PREX2: variants seen among roughly 807,000 people sequenced by gnomAD.
PREX2 encodes phosphatidylinositol 3,4,5-trisphosphate-dependent Rac exchanger 2 protein.
In PREX2, 107 loss-of-function variants were observed where a neutral mutation model predicts 203.2. The ratio of observed to expected loss-of-function variants is 0.53; its 90% CI spans 0.45 to 0.62. PREX2 has a LOEUF of 0.62. PREX2 is among the 20% of genes least tolerant of loss of function. The pLI, the probability that PREX2 is intolerant of heterozygous loss-of-function variation, is 0.00. For missense variants in PREX2, 1,777 were observed against 1,955.9 expected (o/e 0.91, Z 1.72); for synonymous variants, 672 against 663.6 (o/e 1.01, Z -0.19).
rs35054542 is a variant in PREX2 at position 68,045,226 on chromosome 8, G to GA, written c.943+646dup. On this transcript the variant is annotated intron_variant, in intron 8 of 39. Transcript: ENST00000288368. ...TTAAAATAAATTGCACTTTCTATTT[G>GA]AAAAAAAAAAGTTGTCTCTAAAATA... 1.6e-3 allele frequency among the ~76,000 whole-genome samples: 235 copies of GA among 147,028 alleles called. 1 individual carries two copies. Among genetic ancestry groups the GA allele is most frequent in the African/African-American group, 4.8e-3 (193 of 40,396 alleles).
chr8:68,187,836 A>G (rs1812220771), intron 35 of PREX2, among the ~76,000 whole-genome samples: 1 of 152,198 alleles, frequency 6.6e-6, no homozygotes, highest in Non-Finnish European at 1.5e-5. Flanking sequence ...AAGAATGGAG[A>G]TGAAATGCAA....
At chr8:68,022,320 G>C (rs554734700) in intron 4 of PREX2, among the ~76,000 whole-genome samples, 180 bp downstream of exon 4, 4 of 152,166 alleles carry the variant, frequency 2.6e-5, no homozygotes, top group Non-Finnish European at 1.5e-5. Context: ...CTTGTGTTTG[G>C]GGAAGTACTG....
At chr8:68,055,717 A>T in intron 9 of PREX2, 113 bp from the exon 10 acceptor site, 1 of 991,286 alleles carries the variant, frequency 1.0e-6, no homozygotes, top group Non-Finnish European at 1.5e-6. Flanking sequence ...ATCTGTATCC[A>T]CAACCCCCAG....
At chr8:68,139,016 A>T (rs1362848049) in intron 33 of PREX2, among the ~76,000 whole-genome samples, 1 of 152,194 alleles carries the variant, frequency 6.6e-6, no homozygotes, top group African/African-American at 2.4e-5. Flanking sequence ...TTATTCATGT[A>T]TCAAAAGCTC....
At chr8:68,006,987 TATC>T (rs1157443397) in intron 1 of PREX2, among the ~76,000 whole-genome samples, 2 of 152,194 alleles carry the variant, frequency 1.3e-5, no homozygotes, top group East Asian at 3.8e-4. Flanking sequence ...ATTTTTTAAT[TATC>T]ATAGCTTTTC....
In PREX2 at chr8:68,080,425, A is replaced by C; in HGVS notation, c.1643-18A>C. The C allele has an allele frequency of 6.2e-7, 1 of 1,605,808 alleles. No homozygotes were observed. The highest frequency in any genetic ancestry group is 1.7e-5 in the Admixed American group (1 of 57,780). On this transcript the variant is annotated intron_variant, in intron 15 of 39. Transcript: ENST00000288368. Reference sequence around the variant, plus strand: ...TTTTGAATTAGCTGAAATAATTTGCATCTGTCTTTTTCTGTAGTCCTTGAA... The same window carrying C: ...TTTTGAATTAGCTGAAATAATTTGCCTCTGTCTTTTTCTGTAGTCCTTGAA...
chr8:67,992,927 T>G (rs1806650404), intron 1 of PREX2, among the ~76,000 whole-genome samples: 1 of 152,152 alleles, frequency 6.6e-6, no homozygotes, highest in African/African-American at 2.4e-5. Flanking sequence ...CTGAACATAA[T>G]TCAATGGGAA....
At chr8:68,126,421 C>G (rs1810888025) in intron 30 of PREX2, among the ~76,000 whole-genome samples, 1 of 152,030 alleles carries the variant, frequency 6.6e-6, no homozygotes, top group African/African-American at 2.4e-5. Flanking sequence ...AATTGAGACT[C>G]AAAGTAATTT....
At chr8:68,001,283 T>A (rs1806931272) in intron 1 of PREX2, among the ~76,000 whole-genome samples, 1 of 144,146 alleles carries the variant, frequency 6.9e-6, no homozygotes, top group South Asian at 2.4e-4. Flanking sequence ...GCAAAGGACA[T>A]GAAAATACAC....
Position 68,217,655 on chromosome 8 carries a change from G to C in PREX2, c.4644G>C (p.Leu1548=). The C allele has an allele frequency of 6.2e-7, 1 of 1,614,130 alleles. No homozygotes were observed. Among genetic ancestry groups the C allele is most frequent in the Non-Finnish European group, 8.5e-7 (1 of 1,180,004 alleles). ...LSVTLEQAII[L]ARSHGLPPRY... ...TGACGCTGGAGCAAGCCATCATTCT[G>C]GCCAGAAGCCACGGACTGCCACCTC... Residue 1548 remains leucine (L), a synonymous_variant, in exon 38 of 40, where the codon CTG becomes CTC. Coordinates refer to ENST00000288368, the MANE Select transcript of PREX2 (RefSeq NM_024870.4).
intron 25 of PREX2, among the ~76,000 whole-genome samples, chr8:68,112,965 T>C (rs1281964793): frequency 6.6e-6 from 1 of 152,216 alleles, no homozygotes; most frequent in African/African-American, 2.4e-5. Flanking sequence ...ACATACTGTA[T>C]ACAAAAATCT....
At chr8:68,202,865 G>A (rs946010993) in intron 37 of PREX2, among the ~76,000 whole-genome samples, 3 of 152,184 alleles carry the variant, frequency 2.0e-5, no homozygotes, top group Admixed American at 6.5e-5. Flanking sequence ...GTGGCTCAGT[G>A]CAAGTCAGAA....
At chr8:68,075,798 G>A (rs1809331487) in intron 14 of PREX2, among the ~76,000 whole-genome samples, 1 of 152,186 alleles carries the variant, frequency 6.6e-6, no homozygotes, top group Non-Finnish European at 1.5e-5. Context: ...TACAGATTAT[G>A]TGTTTAGTAG....
chr8:68,052,956 G>A, intron 8 of PREX2, 141 bp from the exon 9 acceptor site: 1 of 679,338 alleles, frequency 1.5e-6, no homozygotes, highest in East Asian at 2.8e-5. Flanking sequence ...AAATGTTTAT[G>A]TTTTTCAATA....
chr8:68,072,620 C>T (rs1474500011), intron 14 of PREX2, 50 bp downstream of exon 14: 1 of 1,013,364 alleles, frequency 9.9e-7, no homozygotes, highest in South Asian at 1.3e-5. Flanking sequence ...CTGCTTTAAA[C>T]TCTGAGTGTG....
chr8:68,100,282 T>C (rs1476554269), intron 23 of PREX2: 3 of 441,950 alleles, frequency 6.8e-6, no homozygotes, highest in Non-Finnish European at 4.5e-6. Context: ...ATTTGACATA[T>C]ATTTATTAGG....
At chr8:68,056,330 G>A (rs1281375601) in intron 10 of PREX2, among the ~76,000 whole-genome samples, 1 of 152,070 alleles carries the variant, frequency 6.6e-6, no homozygotes, top group Non-Finnish European at 1.5e-5. Context: ...GGGCCTGAAA[G>A]TCAGAATCAG....
At position 68,236,435 on chromosome 8, in the gene PREX2, T is replaced by C. The variant is rs1296713169; in HGVS notation, c.*5057T>C. On this transcript the variant is annotated 3_prime_UTR_variant, in exon 40 of 40. Transcript: ENST00000288368. ...GACATGTTTGATTTGAAAACCTTCG[T>C]GGTGTCTCTGTGTGTTATTGATCAT... 6.6e-6 allele frequency: 1 copy of C among 152,196 alleles called. No individual in the cohort carries two copies. The highest frequency in any genetic ancestry group is 1.5e-5 in the Non-Finnish European group (1 of 68,020). 9.4% of individuals were successfully genotyped at this position (152,196 alleles called of 1,614,324 possible). A position where few individuals can be genotyped will look rare whatever the true frequency, so the allele number is the denominator to read the frequency against.
intron 35 of PREX2, among the ~76,000 whole-genome samples, chr8:68,166,938 G>GA (rs896902036): frequency 4.6e-5 from 7 of 151,626 alleles, no homozygotes; most frequent in East Asian, 3.9e-4. Context: ...GGGTGACAGA[G>GA]AAAAAAAATC....
Sources: gnomAD v4.1 joint callset for allele counts (sites outside exome capture counted in the v4.1 genomes callset) on GRCh38, gnomAD v4.1.1 for gene constraint, MANE v1.5 for transcripts, NCBI Gene and HGNC (gene_info 2026-07-23, HGNC 2026-07-21) for gene names.